The following CASTOR2 variants were observed in gnomAD, a reference collection of about 807,000 sequenced individuals.
CASTOR2 encodes the protein GATS protein like 2.
A neutral mutation model predicts 31.2 loss-of-function variants in CASTOR2; 8 were observed. The ratio of observed to expected loss-of-function variants is 0.26; its 90% CI spans 0.15 to 0.46. The LOEUF (loss-of-function observed/expected upper bound fraction) is 0.46, where lower values mean the gene tolerates loss of function less well. Among genes scored for constraint, CASTOR2 ranks in the 20% least tolerant of loss-of-function variants. The pLI is 0.99. For synonymous variants in CASTOR2, 162 were observed against 158.7 expected (o/e 1.02, Z -0.16); for missense variants, 216 against 382.1 (o/e 0.57, Z 3.62).
chr7:75,020,196 G>C, intron 6 of CASTOR2, 47 bp downstream of exon 6: 23 of 1,508,534 alleles, frequency 1.5e-5, no homozygotes, highest in Non-Finnish European at 2.1e-5. Context: ...TGGGCCCCAG[G>C]GTCTGGGGGG....
At chr7:75,014,908 C>T (rs1256954810) in intron 2 of CASTOR2, among the ~76,000 whole-genome samples, 6 of 152,216 alleles carry the variant, frequency 3.9e-5, no homozygotes, top group African/African-American at 9.6e-5. Context: ...CAGCCGCTTC[C>T]GCTGGGGAGG....
intron 1 of CASTOR2, among the ~76,000 whole-genome samples, chr7:75,004,126 C>T (rs1804558045): frequency 6.6e-6 from 1 of 152,194 alleles, no homozygotes; most frequent in Non-Finnish European, 1.5e-5. Context: ...CCGCCCCACC[C>T]AGGGAGTACC....
chr7:74,984,740 G>A (rs1804023947), intron 1 of CASTOR2, among the ~76,000 whole-genome samples: 3 of 152,184 alleles, frequency 2.0e-5, no homozygotes, highest in African/African-American at 7.2e-5. Context: ...CCTCCCCCAT[G>A]TCTCAGATAA....
chr7:75,003,143 G>T (rs1172321234), intron 1 of CASTOR2, among the ~76,000 whole-genome samples: 3 of 152,016 alleles, frequency 2.0e-5, no homozygotes, highest in Non-Finnish European at 4.4e-5. Context: ...GGGACCTGTA[G>T]CTTGAATTAA....
At chr7:74,994,004 G>T (rs1410808466) in intron 1 of CASTOR2, among the ~76,000 whole-genome samples, 10 of 152,222 alleles carry the variant, frequency 6.6e-5, no homozygotes, top group Admixed American at 6.5e-5. Flanking sequence ...CCTCGCCCAG[G>T]ATGCCCGGGG....
chr7:75,017,750 T>C lies in CASTOR2; in HGVS notation c.337T>C (p.Ser113Pro), dbSNP rs1326996415. 6.2e-7 allele frequency: 1 copy of C among 1,613,894 alleles called. No individual in the cohort carries two copies. Among genetic ancestry groups the C allele is most frequent in the Non-Finnish European group, 8.5e-7 (1 of 1,179,890 alleles). Residue 113 changes from serine to proline, a missense_variant, in exon 3 of 9, where the codon TCC becomes CCC. Ser to Pro is a moderately conservative substitution (Grantham distance 74). Coordinates refer to ENST00000616305, the MANE Select transcript of CASTOR2 (RefSeq NM_001145064.3). ...VIAPLADQNI[S>P]VFMLSTYQTD... Reference sequence around the variant, plus strand: ...CGCCCCACTGGCTGACCAGAACATATCCGTGTTCATGCTGTCCACGTATCA... The same window carrying C: ...CGCCCCACTGGCTGACCAGAACATACCCGTGTTCATGCTGTCCACGTATCA...
At chr7:74,996,621 TCAGGGAAAGAC>T (rs1303195735) in intron 1 of CASTOR2, among the ~76,000 whole-genome samples, 5 of 149,472 alleles carry the variant, frequency 3.3e-5, no homozygotes, top group African/African-American at 7.4e-5. Flanking sequence ...TCTGGTTATG[TCAGGGAAAGAC>T]CAGGGAAGTG....
At chr7:75,014,608 C>T (rs1479831192) in intron 2 of CASTOR2, among the ~76,000 whole-genome samples, 3 of 151,990 alleles carry the variant, frequency 2.0e-5, no homozygotes, top group Non-Finnish European at 4.4e-5. Flanking sequence ...AAAAAGGAAG[C>T]AACAGCTCTG....
Position 75,026,330 on chromosome 7 carries a change from C to G in CASTOR2, c.*1631C>G, listed in dbSNP as rs1805131086. On this transcript the variant is annotated 3_prime_UTR_variant, in exon 9 of 9. Transcript: ENST00000616305. ...TCGGCCTCCCAAGTAGCTGGGATTA[C>G]AGGCACGCACCACCACGTCTGGCTA... Among the ~76,000 whole-genome samples the G allele has an allele frequency of 6.6e-6, 1 of 151,922 alleles. No individual in the cohort carries two copies. Among genetic ancestry groups the G allele is most frequent in the Non-Finnish European group, 1.5e-5 (1 of 67,978 alleles).
At chr7:75,007,306 G>T (rs1485999821) in intron 1 of CASTOR2, among the ~76,000 whole-genome samples, 2 of 152,140 alleles carry the variant, frequency 1.3e-5, no homozygotes, top group Admixed American at 1.3e-4. Context: ...CCAGGACCGA[G>T]GCCAGCAGGG....
Position 75,026,188 on chromosome 7 carries a change from G to GTTTTTTTTTTTTTTTTTTTTT in CASTOR2, c.*1489_*1490insTTTTTTTTTTTTTTTTTTTTT, listed in dbSNP as rs1178084776. 1.1e-3 allele frequency among the ~76,000 whole-genome samples: 124 copies of GTTTTTTTTTTTTTTTTTTTTT among 113,260 alleles called. 4 individuals are homozygous for GTTTTTTTTTTTTTTTTTTTTT. The highest frequency in any genetic ancestry group is 2.3e-3 in the South Asian group (8 of 3,548). The allele number at this position is 113,260 out of a possible 152,430, so 74.3% of individuals were successfully genotyped here. On this transcript the variant is annotated 3_prime_UTR_variant, in exon 9 of 9. Transcript: ENST00000616305. ...CCCCTGTGGTTTTGGCTCTGGCGGG[G>GTTTTTTTTTTTTTTTTTTTTT]GTTTTTTTTTTTTTTTTTGAGATGG...
At chr7:75,009,321 G>A (rs1225484555) in intron 2 of CASTOR2, among the ~76,000 whole-genome samples, 3 of 137,350 alleles carry the variant, frequency 2.2e-5, no homozygotes, top group Admixed American at 7.8e-5. Context: ...CCAGGCTGGA[G>A]TGCAGTGGTG....
At chr7:74,994,041 T>G (rs1804278113) in intron 1 of CASTOR2, among the ~76,000 whole-genome samples, 1 of 152,220 alleles carries the variant, frequency 6.6e-6, no homozygotes, top group Non-Finnish European at 1.5e-5. Context: ...GGCCTCACTC[T>G]GTGGGCTTAG....
intron 2 of CASTOR2, among the ~76,000 whole-genome samples, chr7:75,009,620 C>A (rs1315262121): frequency 6.6e-6 from 1 of 151,906 alleles, no homozygotes; most frequent in Non-Finnish European, 1.5e-5. Context: ...TGGCCCCCCC[C>A]GCCCCCACCA....
At chr7:75,016,680 A>G (rs1190434958) in intron 2 of CASTOR2, among the ~76,000 whole-genome samples, 2 of 152,236 alleles carry the variant, frequency 1.3e-5, no homozygotes, top group East Asian at 1.9e-4. Context: ...CAGACCCACA[A>G]AAGGGTTGTA....
chr7:74,982,286 G>T lies in CASTOR2; in HGVS notation c.113+17188G>T, dbSNP rs1367946054. On this transcript the variant is annotated intron_variant, in intron 1 of 8. Coordinates refer to ENST00000616305, the MANE Select transcript of CASTOR2 (RefSeq NM_001145064.3). ...GTTGCCCGTGCCCACTCCCCTGCAT[G>T]CAGGAGCTGGATCTCTGCTTCACTC... is the stretch of plus-strand genomic sequence containing the variant. Among the ~76,000 whole-genome samples, 3 of 145,220 alleles carry T rather than the reference G, an allele frequency of 2.1e-5. No individual in the cohort carries two copies. The East Asian group carries it at 6.5e-4, about 31-fold the overall frequency.
intron 1 of CASTOR2, among the ~76,000 whole-genome samples, chr7:75,005,424 T>C (rs1213770471): frequency 6.6e-6 from 1 of 152,228 alleles, no homozygotes; most frequent in East Asian, 1.9e-4. Context: ...ATCAGTAGTT[T>C]ATTCCTTTTA....
rs1389482860 is a variant in CASTOR2, at chr7:75,030,817, G to A, written c.*6118G>A. Among the ~76,000 whole-genome samples the A allele has an allele frequency of 6.6e-6, 1 of 152,194 alleles. No homozygotes were observed. Among genetic ancestry groups the A allele is most frequent in the Non-Finnish European group, 1.5e-5 (1 of 68,018 alleles). On this transcript the variant is annotated 3_prime_UTR_variant, in exon 9 of 9. Transcript: ENST00000616305. ...GCTCTGATTGGAAGGGGCTGGGGCT[G>A]CCCGTGCTGACTCTTCAAAGGCATC...
intron 1 of CASTOR2, among the ~76,000 whole-genome samples, chr7:75,007,275 A>G (rs1187661781): frequency 6.6e-6 from 1 of 152,100 alleles, no homozygotes; most frequent in African/African-American, 2.4e-5. Flanking sequence ...CTGGACACAG[A>G]CCTGGGCACC....
Sources: allele counts gnomAD v4.1 joint callset (sites outside exome capture counted in the v4.1 genomes callset), GRCh38; gene constraint gnomAD v4.1.1; transcripts MANE v1.5; gene names NCBI Gene and HGNC (gene_info 2026-07-23, HGNC 2026-07-21).